CSMD3: variants seen among roughly 807,000 people sequenced by gnomAD.
CSMD3 encodes the protein CUB and sushi domain-containing protein 3.
A neutral mutation model predicts 435.2 loss-of-function variants in CSMD3; 177 were observed. The observed-to-expected ratio is 0.41, with a 90% CI of 0.36 to 0.46. CSMD3 has a LOEUF of 0.46. Among genes scored for constraint, CSMD3 ranks in the 20% least tolerant of loss-of-function variants. The pLI is 0.34. For synonymous variants in CSMD3, 1,656 were observed against 1,520.5 expected (o/e 1.09, Z -2.07); for missense variants, 4,265 against 4,504.6 (o/e 0.95, Z 1.52).
intron 4 of CSMD3, among the ~76,000 whole-genome samples, chr8:113,156,027 C>T (rs2091921645): frequency 6.6e-6 from 1 of 151,912 alleles, no homozygotes; most frequent in African/African-American, 2.4e-5. Flanking sequence ...CACTCATTTG[C>T]TCAATTTTTT....
intron 38 of CSMD3, among the ~76,000 whole-genome samples, chr8:112,356,989 A>C (rs1159756416): frequency 6.6e-6 from 1 of 152,176 alleles, no homozygotes; most frequent in Non-Finnish European, 1.5e-5. Flanking sequence ...CTGAAAAGAT[A>C]CTCAAAAATG....
chr8:113,204,873 C>G (rs2092753902), intron 3 of CSMD3, among the ~76,000 whole-genome samples: 1 of 152,040 alleles, frequency 6.6e-6, no homozygotes. Flanking sequence ...TGGACTTACA[C>G]AGTTCCACAT....
intron 13 of CSMD3, among the ~76,000 whole-genome samples, chr8:112,787,614 G>T (rs552466266): frequency 6.6e-6 from 1 of 152,228 alleles, no homozygotes; most frequent in African/African-American, 2.4e-5. Flanking sequence ...CCAGATAAAA[G>T]GTGAGCTCCT....
At chr8:113,420,967 T>A (rs865950254) in intron 1 of CSMD3, among the ~76,000 whole-genome samples, 1 of 150,816 alleles carries the variant, frequency 6.6e-6, no homozygotes, top group African/African-American at 2.4e-5. Flanking sequence ...TATAATACGA[T>A]GATGACTTGT....
At chr8:113,064,438 GA>G (rs2088762809) in intron 5 of CSMD3, among the ~76,000 whole-genome samples, 1 of 151,926 alleles carries the variant, frequency 6.6e-6, no homozygotes, top group African/African-American at 2.4e-5. Context: ...GAGGCAATAA[GA>G]AAAATAAATA....
At chr8:113,384,145 A>T (rs1273882196) in intron 1 of CSMD3, among the ~76,000 whole-genome samples, 2 of 152,178 alleles carry the variant, frequency 1.3e-5, no homozygotes, top group African/African-American at 4.8e-5. Context: ...CTTAAAGCTG[A>T]AATACGAATC....
chr8:112,781,326 G>A (rs1479737826), intron 13 of CSMD3, among the ~76,000 whole-genome samples: 1 of 152,018 alleles, frequency 6.6e-6, no homozygotes, highest in Admixed American at 6.6e-5. Context: ...GCCATGAGGT[G>A]AGACTCCTTC....
chr8:112,890,215 C>G (rs927176910), intron 10 of CSMD3, among the ~76,000 whole-genome samples: 1 of 151,546 alleles, frequency 6.6e-6, no homozygotes, highest in Non-Finnish European at 1.5e-5. Context: ...GTGACAATAG[C>G]ATTTTACCAT....
intron 1 of CSMD3, among the ~76,000 whole-genome samples, chr8:113,345,450 A>G (rs1398241234): frequency 1.3e-5 from 2 of 152,126 alleles, no homozygotes; most frequent in African/African-American, 2.4e-5. Flanking sequence ...GCTAAACACT[A>G]TGTGTGATGT....
chr8:112,955,363 C>A (rs373742289), intron 7 of CSMD3, among the ~76,000 whole-genome samples: 12 of 151,548 alleles, frequency 7.9e-5, no homozygotes, highest in African/African-American at 2.7e-4. Flanking sequence ...TATTTTGAGC[C>A]CATCTAAAAT....
intron 32 of CSMD3, among the ~76,000 whole-genome samples, chr8:112,471,531 TTAAAA>T (rs761585311): frequency 6.6e-6 from 1 of 152,148 alleles, no homozygotes; most frequent in Non-Finnish European, 1.5e-5. Flanking sequence ...TATTTCAATG[TTAAAA>T]TAAAAGGTTT....
chr8:112,512,951 C>A (rs1823286483), intron 28 of CSMD3, among the ~76,000 whole-genome samples: 1 of 152,182 alleles, frequency 6.6e-6, no homozygotes, highest in African/African-American at 2.4e-5. Context: ...CCTTACAAAT[C>A]AACCTATGCA....
chr8:113,049,215 G>C (rs1348186168), intron 5 of CSMD3, among the ~76,000 whole-genome samples: 1 of 152,106 alleles, frequency 6.6e-6, no homozygotes, highest in African/African-American at 2.4e-5. Flanking sequence ...CTCCAGCCTA[G>C]GTGACAGAGC....
chr8:112,832,596 G>A (rs2079907282), intron 11 of CSMD3, among the ~76,000 whole-genome samples: 1 of 152,120 alleles, frequency 6.6e-6, no homozygotes, highest in Non-Finnish European at 1.5e-5. Flanking sequence ...GTGGCCTTTA[G>A]GAGCTGAGGG....
At chr8:112,420,580 T>TA (rs1812379699) in intron 32 of CSMD3, among the ~76,000 whole-genome samples, 1 of 152,142 alleles carries the variant, frequency 6.6e-6, no homozygotes, top group South Asian at 2.1e-4. Flanking sequence ...ATAAAATCTA[T>TA]AACCCACATC....
chr8:113,066,139 AAAAAG>A (rs940442077), intron 5 of CSMD3, among the ~76,000 whole-genome samples: 2 of 150,942 alleles, frequency 1.3e-5, no homozygotes, highest in African/African-American at 4.8e-5. Context: ...GAAAAAAAAA[AAAAAG>A]AAAGAAAAAG....
At chr8:112,941,708 G>C (rs1282971933) in intron 9 of CSMD3, among the ~76,000 whole-genome samples, 1 of 151,640 alleles carries the variant, frequency 6.6e-6, no homozygotes, top group Non-Finnish European at 1.5e-5. Flanking sequence ...AAAATAACAT[G>C]TGTATATGTG....
intron 5 of CSMD3, among the ~76,000 whole-genome samples, chr8:113,097,975 A>G (rs1050980104): frequency 1.3e-5 from 2 of 152,004 alleles, no homozygotes; most frequent in Non-Finnish European, 2.9e-5. Context: ...TTTTCTTGGA[A>G]TACTGCAATC....
In CSMD3 at chr8:112,289,501, T is replaced by A. The variant is rs1586665360; in HGVS notation, c.9012A>T (p.Ala3004=). The change falls in exon 57 of 71, where the codon GCA becomes GCT. Residue 3004 remains alanine, a synonymous_variant. Transcript: ENST00000297405. ...AAGTATACTTCTCGCCAGACAGGAC[T>A]GCATTAGGAGGAACGCCAGGGTGTC... ...DCGHPGVPPN[A]VLSGEKYTFG... is the part of the protein sequence containing the mutation. 1 of 1,612,942 alleles carries A rather than the reference T, an allele frequency of 6.2e-7. No homozygotes were observed. Among genetic ancestry groups the A allele is most frequent in the Middle Eastern group, 1.7e-4 (1 of 6,054 alleles).
Sources: gnomAD v4.1 joint callset for allele counts (sites outside exome capture counted in the v4.1 genomes callset) on GRCh38, gnomAD v4.1.1 for gene constraint, MANE v1.5 for transcripts, NCBI Gene and HGNC (gene_info 2026-07-23, HGNC 2026-07-21) for gene names.